The following AREG variants were observed in gnomAD, a reference collection of about 807,000 sequenced individuals.
The protein encoded by AREG is amphiregulin.
A neutral mutation model predicts 28.0 loss-of-function variants in AREG; 16 were observed. The observed-to-expected ratio is 0.57, with a 90% confidence interval of 0.39 to 0.87. AREG has a LOEUF of 0.87. Among genes scored for constraint, AREG ranks in the 40% least tolerant of loss-of-function variants. The probability of loss-of-function intolerance (pLI) is 0.00; values close to 1 mark genes in which losing one functional copy is unlikely to be tolerated. For synonymous variants in AREG, 113 were observed against 113.5 expected, an observed-to-expected ratio of 1.00 and a Z score of 0.02; for missense variants, 287 against 309.1, an observed-to-expected ratio of 0.93 and a Z score of 0.53.
At chr4:74,448,843 G>A (rs1719333858) in intron 2 of AREG, 1 of 667,690 alleles carries the variant, frequency 1.5e-6, no homozygotes, top group Non-Finnish European at 2.4e-6. Context: ...ATAATCATGA[G>A]TGGACACTAC....
chr4:74,445,273 C>G lies in AREG; in HGVS notation c.-73C>G, dbSNP rs1320946464. ...TCCACTCGCTCTTCCAACACCCGCT[C>G]GTTTTGGCGGCAGCTCGTGTCCCAG... On this transcript the variant is annotated 5_prime_UTR_variant, in exon 1 of 6. Transcript: ENST00000395748. 8 of 1,572,444 alleles carry G rather than the reference C, an allele frequency of 5.1e-6. No homozygotes were observed. In the African/African-American group the frequency reaches 6.8e-5, roughly 13 times the overall value.
At chr4:74,446,842 T>C in intron 2 of AREG, 60 bp downstream of exon 2, 1 of 1,613,398 alleles carries the variant, frequency 6.2e-7, no homozygotes, top group Non-Finnish European at 8.5e-7. Context: ...TGAGCAAAGC[T>C]GCTTCAGAAG....
intron 5 of AREG, among the ~76,000 whole-genome samples, chr4:74,454,064 A>G (rs1305612002): frequency 6.6e-6 from 1 of 152,228 alleles, no homozygotes; most frequent in Admixed American, 6.5e-5. Flanking sequence ...TATATTTAGC[A>G]TTGGTTAAGT....
At position 74,451,877 on chromosome 4, in the gene AREG, CAT is replaced by C. The variant is rs1347401516; in HGVS notation, c.666-665_666-664del. Among the ~76,000 whole-genome samples the C allele has an allele frequency of 3.0e-4, 46 of 152,194 alleles. 1 individual carries two copies. The South Asian group carries it at 9.5e-3, about 32-fold the overall frequency. On this transcript the variant is annotated intron_variant, in intron 4 of 5. Transcript: ENST00000395748. Reference sequence around the variant, plus strand: ...TCCCATATTCTCCTTGTGTTTGAAACATAAAACAAACACTAAACCTAAGCAAA... The same window carrying C: ...TCCCATATTCTCCTTGTGTTTGAAACAAAACAAACACTAAACCTAAGCAAA...
Position 74,454,941 on chromosome 4 carries a change from A to G in AREG, c.*201A>G. 1.5e-6 allele frequency: 1 copy of G among 648,620 alleles called. No individual in the cohort carries two copies. Among genetic ancestry groups the G allele is most frequent in the Non-Finnish European group, 2.8e-6 (1 of 363,326 alleles). 40.2% of individuals were successfully genotyped at this position (648,620 alleles called of 1,614,324 possible). A position where few individuals can be genotyped will look rare whatever the true frequency, so the allele number is the denominator to read the frequency against. On this transcript the variant is annotated 3_prime_UTR_variant, in exon 6 of 6. Coordinates refer to ENST00000395748, the MANE Select transcript of AREG (RefSeq NM_001657.4). ...TAAAAAGTATTTTTTCAAGTTGTAA[A>G]TAATTTATTTAATATTTAATGGAAG... is the stretch of plus-strand genomic sequence containing the variant.
chr4:74,445,375 G>T lies in AREG; in HGVS notation c.30G>T (p.Pro10=), dbSNP rs980022203. Residue 10 remains proline, a synonymous_variant, in exon 1 of 6, where the codon CCG becomes CCT. Coordinates refer to ENST00000395748, the MANE Select transcript of AREG (RefSeq NM_001657.4). ...GAGCCCCGCTGCTACCGCCGGCGCC[G>T]GTGGTGCTGTCGCTCTTGATACTCG... MRAPLLPPA[P]VVLSLLILGS... 6 of 1,610,446 alleles carry T rather than the reference G, an allele frequency of 3.7e-6. No individual in the cohort carries two copies. In the African/African-American group the frequency reaches 4.0e-5, roughly 11 times the overall value.
rs770624247 is a variant in AREG at position 74,445,399 on chromosome 4, C to G, written c.54C>G (p.Leu18=). The G allele has an allele frequency of 1.2e-6, 2 of 1,609,460 alleles. No homozygotes were observed. Among genetic ancestry groups the G allele is most frequent in the African/African-American group, 1.3e-5 (1 of 74,986 alleles). ...CGGTGGTGCTGTCGCTCTTGATACT[C>G]GGCTCAGGTGAGGATTCACCGGCGC... ...PAPVVLSLLI[L]GSGHYAAGLD... The change falls in exon 1 of 6, where the codon CTC becomes CTG. Residue 18 remains leucine (L), a synonymous_variant. Coordinates refer to ENST00000395748, the MANE Select transcript of AREG (RefSeq NM_001657.4).
Position 74,454,802 on chromosome 4 carries a change from G to A in AREG, c.*62G>A. The A allele has an allele frequency of 1.4e-6, 1 of 699,696 alleles. No individual in the cohort carries two copies. The highest frequency in any genetic ancestry group is 2.6e-6 in the Non-Finnish European group (1 of 383,300). 43.3% of individuals were successfully genotyped at this position (699,696 alleles called of 1,614,324 possible). A position where few individuals can be genotyped will look rare whatever the true frequency, so the allele number is the denominator to read the frequency against. The stretch of plus-strand genomic sequence containing the variant: ...CTGCCAAGTCATAGCCATAAATGAT[G>A]AGTCGGTCCTCTTTCCAGTGGATCA... On this transcript the variant is annotated 3_prime_UTR_variant, in exon 6 of 6. Coordinates refer to ENST00000395748, the MANE Select transcript of AREG (RefSeq NM_001657.4).
rs2110412362 is a variant in AREG, at chr4:74,450,659, A to G, written c.665+127A>G. ...TATTGTCACTTGATCTTTGGTTTAT[A>G]TTTTTATATTTTATTGACAAATATC... is the stretch of plus-strand genomic sequence containing the variant. On this transcript the variant is annotated intron_variant, in intron 4 of 5. Transcript: ENST00000395748. 3 of 1,341,800 alleles carry G rather than the reference A, an allele frequency of 2.2e-6. 1 individual carries two copies. In the South Asian group the frequency reaches 4.4e-5, roughly 20 times the overall value. The allele number at this position is 1,341,800 out of a possible 1,614,324, so 83.1% of individuals were successfully genotyped here. A position where few individuals can be genotyped will look rare whatever the true frequency, so the allele number is the denominator to read the frequency against.
chr4:74,450,485 C>T lies in AREG; in HGVS notation c.618C>T (p.Ala206=). 6.2e-7 allele frequency: 1 copy of T among 1,613,932 alleles called. No homozygotes were observed. Among genetic ancestry groups the T allele is most frequent in the South Asian group, 1.1e-5 (1 of 91,080 alleles). ...LSKIALAAIA[A]FMSAVILTAV... is the part of the protein sequence containing the mutation. ...AAATTGCATTAGCAGCCATAGCTGC[C>T]TTTATGTCTGCTGTGATCCTCACAG... Residue 206 remains alanine, a synonymous_variant, in exon 4 of 6, where the codon GCC becomes GCT. Coordinates refer to ENST00000395748, the MANE Select transcript of AREG (RefSeq NM_001657.4).
At chr4:74,454,190 G>A (rs1719424420) in intron 5 of AREG, among the ~76,000 whole-genome samples, 1 of 152,034 alleles carries the variant, frequency 6.6e-6, no homozygotes, top group African/African-American at 2.4e-5. Context: ...TAATGTATTG[G>A]CTAATTTTGG....
In AREG at chr4:74,445,247, C is replaced by T; in HGVS notation, c.-99C>T. 1 of 1,549,318 alleles carries T rather than the reference C, an allele frequency of 6.5e-7. No homozygotes were observed. The highest frequency in any genetic ancestry group is 8.7e-7 in the Non-Finnish European group (1 of 1,146,924). ...TTCGAGAGCGGCGCACACTCCCGGT[C>T]TCCACTCGCTCTTCCAACACCCGCT... On this transcript the variant is annotated 5_prime_UTR_variant, in exon 1 of 6. Transcript: ENST00000395748.
chr4:74,445,949 GTAA>G (rs889307525), intron 1 of AREG, among the ~76,000 whole-genome samples: 678 of 152,064 alleles, frequency 4.5e-3, no homozygotes, highest in Non-Finnish European at 6.4e-3. Context: ...TGTCTATGTA[GTAA>G]TAATAATAAT....
chr4:74,445,998 A>G (rs1490755334), intron 1 of AREG, among the ~76,000 whole-genome samples: 1 of 152,208 alleles, frequency 6.6e-6, no homozygotes, highest in African/African-American at 2.4e-5. Flanking sequence ...CGATATAATT[A>G]ACCACTGTTT....
Position 74,450,495 on chromosome 4 carries a change from G to A in AREG, c.628G>A (p.Ala210Thr), listed in dbSNP as rs1270941657. The A allele has an allele frequency of 2.5e-6, 4 of 1,613,848 alleles. No homozygotes were observed. In the African/African-American group the frequency reaches 5.3e-5, roughly 22 times the overall value. ...AGCAGCCATAGCTGCCTTTATGTCT[G>A]CTGTGATCCTCACAGCTGTTGCTGT... Reference protein sequence around the residue: ...ALAAIAAFMSAVILTAVAVIT... With the variant: ...ALAAIAAFMSTVILTAVAVIT... Residue 210 changes from alanine (A) to threonine (T), a missense_variant, in exon 4 of 6, where the codon GCT becomes ACT. By Grantham distance (58) the Ala-to-Thr change is moderately conservative (BLOSUM62 0). Coordinates refer to ENST00000395748, the MANE Select transcript of AREG (RefSeq NM_001657.4).
intron 1 of AREG, among the ~76,000 whole-genome samples, chr4:74,445,988 C>A (rs1009045359): frequency 6.6e-6 from 1 of 151,694 alleles, no homozygotes; most frequent in African/African-American, 2.4e-5. Flanking sequence ...CAATAATAAT[C>A]GATATAATTA....
At chr4:74,447,341 G>A (rs1206249568) in intron 2 of AREG, among the ~76,000 whole-genome samples, 2 of 152,204 alleles carry the variant, frequency 1.3e-5, no homozygotes, top group Non-Finnish European at 2.9e-5. Context: ...AGACTTTAGC[G>A]TTTAAGTACT....
chr4:74,452,545 C>T lies in AREG; in HGVS notation c.667C>T (p.Leu223Phe), dbSNP rs1478447935. The T allele has an allele frequency of 1.4e-5, 22 of 1,613,338 alleles. No homozygotes were observed. The East Asian group carries it at 1.8e-4, about 13-fold the overall frequency. Residue 223 changes from leucine (L) to phenylalanine (F), a missense_variant and splice_region_variant, in exon 5 of 6, where the codon CTT (leucine) becomes TTT (phenylalanine). Coordinates refer to ENST00000395748, the MANE Select transcript of AREG (RefSeq NM_001657.4). ...LTAVAVITVQ[L>F]RRQYVRKYEG... is the part of the protein sequence containing the mutation. Reference sequence around the variant, plus strand: ...ATTAGAATGCCTTGTTCTCTGAAGGCTTAGAAGACAATACGTCAGGAAATA... The same window carrying T: ...ATTAGAATGCCTTGTTCTCTGAAGGTTTAGAAGACAATACGTCAGGAAATA...
chr4:74,450,032 T>C lies in AREG; in HGVS notation c.513-348T>C, dbSNP rs968176431. Among the ~76,000 whole-genome samples, 135 of 152,174 alleles carry C rather than the reference T, an allele frequency of 8.9e-4. No individual in the cohort carries two copies. In the Middle Eastern group the frequency reaches 0.024, roughly 27 times the overall value. On this transcript the variant is annotated intron_variant, in intron 3 of 5. Coordinates refer to ENST00000395748, the MANE Select transcript of AREG (RefSeq NM_001657.4). ...AATTTTTGCATAATCTTTCACATTG[T>C]TTTAACCTCCTCCCCGCTTACCTCC...
Sources: gnomAD v4.1 joint callset for allele counts (sites outside exome capture counted in the v4.1 genomes callset) on GRCh38, gnomAD v4.1.1 for gene constraint, MANE v1.5 for transcripts, NCBI Gene and HGNC (gene_info 2026-07-23, HGNC 2026-07-21) for gene names.